ATRNL1: variants seen among roughly 807,000 people sequenced by gnomAD.
ATRNL1 encodes attractin-like protein 1.
Under a neutral mutation model 182.7 loss-of-function variants are expected in ATRNL1, and 95 were observed. The observed-to-expected ratio is 0.52, with a 90% confidence interval of 0.44 to 0.62. The LOEUF is 0.62. Ranked by LOEUF, ATRNL1 falls within the 20% of genes least tolerant of loss-of-function variation. The pLI, the probability that ATRNL1 is intolerant of heterozygous loss-of-function variation, is 0.00. For missense variants in ATRNL1, 1,471 were observed against 1,679.5 expected (o/e 0.88, Z 2.17); for synonymous variants, 576 against 568.3 (o/e 1.01, Z -0.19).
chr10:115,561,684 T>G (rs1036374624), intron 26 of ATRNL1, among the ~76,000 whole-genome samples: 15 of 97,980 alleles, frequency 1.5e-4, no homozygotes, highest in African/African-American at 5.5e-4. Flanking sequence ...TGTGTGTGTG[T>G]GTGTGGGTGT....
intron 28 of ATRNL1, among the ~76,000 whole-genome samples, chr10:115,859,887 G>A (rs1951272478): frequency 6.6e-6 from 1 of 152,178 alleles, no homozygotes; most frequent in Non-Finnish European, 1.5e-5. Flanking sequence ...TAAGACCACA[G>A]TGATCTTTCT....
chr10:115,275,428 A>G (rs1852060844), intron 13 of ATRNL1, among the ~76,000 whole-genome samples: 1 of 152,058 alleles, frequency 6.6e-6, no homozygotes, highest in African/African-American at 2.4e-5. Context: ...ATTTAGTAGG[A>G]TTTCTATATA....
chr10:115,129,582 G>A (rs781812306), intron 5 of ATRNL1, 47 bp downstream of exon 5: 4 of 1,480,808 alleles, frequency 2.7e-6, no homozygotes, highest in East Asian at 2.3e-5. Flanking sequence ...ATTCATATAT[G>A]TAATAGATTA....
At chr10:115,833,431 G>A (rs1216953139) in intron 27 of ATRNL1, among the ~76,000 whole-genome samples, 3 of 152,088 alleles carry the variant, frequency 2.0e-5, no homozygotes, top group African/African-American at 7.2e-5. Flanking sequence ...TGTCACACCA[G>A]GGCCACATAT....
Position 115,563,542 on chromosome 10 carries a change from G to C in ATRNL1, c.3795+14006G>C, listed in dbSNP as rs1324441900. On this transcript the variant is annotated intron_variant, in intron 26 of 28. Transcript: ENST00000355044. ...CAGCAGTATGTATTTTATATATAAAGTTTCTTCTCATGAGCTTTTAAAATA... is the reference window on the plus strand; with the variant it reads ...CAGCAGTATGTATTTTATATATAAACTTTCTTCTCATGAGCTTTTAAAATA... Among the ~76,000 whole-genome samples, 5 of 152,062 alleles carry C rather than the reference G, an allele frequency of 3.3e-5. No individual in the cohort carries two copies. In the South Asian group the frequency reaches 1.0e-3, roughly 32 times the overall value.
At chr10:115,730,027 T>C (rs2804162) in intron 27 of ATRNL1, among the ~76,000 whole-genome samples, 149,480 of 151,966 alleles carry the variant, frequency 0.98, 73,558 homozygotes, top group Middle Eastern at 1. Context: ...GAGGCCGAGG[T>C]GGGTAGATCA....
At chr10:115,199,647 T>C (rs1362220320) in intron 8 of ATRNL1, among the ~76,000 whole-genome samples, 2 of 151,912 alleles carry the variant, frequency 1.3e-5, no homozygotes, top group Non-Finnish European at 2.9e-5. Context: ...GTGTAGATAA[T>C]GTAGGGTTGG....
intron 27 of ATRNL1, among the ~76,000 whole-genome samples, chr10:115,819,208 A>G (rs1950236192): frequency 6.7e-6 from 1 of 149,882 alleles, no homozygotes; most frequent in African/African-American, 2.4e-5. Context: ...ATCAGCCACC[A>G]GCTTGCTAGA....
At chr10:115,685,261 G>A (rs1946179543) in intron 26 of ATRNL1, among the ~76,000 whole-genome samples, 1 of 151,620 alleles carries the variant, frequency 6.6e-6, no homozygotes, top group African/African-American at 2.4e-5. Context: ...GAACTCCTCT[G>A]TCAATTATTC....
At chr10:115,551,911 CAGAG>C (rs1179175941) in intron 26 of ATRNL1, among the ~76,000 whole-genome samples, 31 of 150,894 alleles carry the variant, frequency 2.1e-4, no homozygotes, top group African/African-American at 7.3e-4. Context: ...TGGGAAGTGA[CAGAG>C]AGAGAGAGAC....
intron 1 of ATRNL1, among the ~76,000 whole-genome samples, chr10:115,103,336 G>T (rs1554865100): frequency 6.6e-6 from 1 of 152,016 alleles, no homozygotes; most frequent in Non-Finnish European, 1.5e-5. Flanking sequence ...ACTGCGCCTG[G>T]TCATATTTTT....
At chr10:115,917,326 CG>C (rs1400638963) in intron 28 of ATRNL1, among the ~76,000 whole-genome samples, 2 of 151,854 alleles carry the variant, frequency 1.3e-5, no homozygotes, top group Non-Finnish European at 2.9e-5. Flanking sequence ...AAAAATTAGC[CG>C]GGCATGGCGG....
chr10:115,130,945 C>T (rs1845205129), intron 5 of ATRNL1, among the ~76,000 whole-genome samples: 1 of 152,058 alleles, frequency 6.6e-6, no homozygotes, highest in Non-Finnish European at 1.5e-5. Context: ...TGCCCCTTTT[C>T]TGTTTTTTAC....
intron 26 of ATRNL1, among the ~76,000 whole-genome samples, chr10:115,580,991 AT>A (rs1555007136): frequency 6.6e-6 from 1 of 151,912 alleles, no homozygotes; most frequent in Non-Finnish European, 1.5e-5. Flanking sequence ...GTTTCTTTGA[AT>A]TTTCTCTTGG....
At chr10:115,254,901 C>T (rs1554906357) in intron 10 of ATRNL1, among the ~76,000 whole-genome samples, 5 of 152,108 alleles carry the variant, frequency 3.3e-5, no homozygotes. Flanking sequence ...GAATCCTTTC[C>T]CCTTTTCTTG....
At chr10:115,701,132 A>G (rs1946721881) in intron 26 of ATRNL1, among the ~76,000 whole-genome samples, 1 of 152,130 alleles carries the variant, frequency 6.6e-6, no homozygotes, top group Non-Finnish European at 1.5e-5. Flanking sequence ...GAATAAAAGT[A>G]GAAATCAATA....
intron 28 of ATRNL1, among the ~76,000 whole-genome samples, chr10:115,943,478 C>CAATAGAT (rs1555124736): frequency 6.6e-6 from 1 of 152,172 alleles, no homozygotes; most frequent in Non-Finnish European, 1.5e-5. Flanking sequence ...AAGATACTGC[C>CAATAGAT]ACACACCTAT....
chr10:115,476,350 T>G (rs1848529700), intron 24 of ATRNL1, among the ~76,000 whole-genome samples: 2 of 151,382 alleles, frequency 1.3e-5, no homozygotes. Context: ...AAAATTCATG[T>G]GCTTAAAAAG....
intron 21 of ATRNL1, among the ~76,000 whole-genome samples, chr10:115,447,170 A>G (rs922449679): frequency 7.9e-5 from 12 of 151,850 alleles, no homozygotes; most frequent in African/African-American, 2.9e-4. Context: ...AGTATAGTAT[A>G]TATACTTCTA....
Sources: allele counts gnomAD v4.1 joint callset (sites outside exome capture counted in the v4.1 genomes callset), GRCh38; gene constraint gnomAD v4.1.1; transcripts MANE v1.5; gene names NCBI Gene and HGNC (gene_info 2026-07-23, HGNC 2026-07-21).